Variants in IQCC observed in about 807,000 individuals in gnomAD.
IQCC encodes the protein IQ domain-containing protein C.
Under a neutral mutation model 27.0 loss-of-function variants are expected in IQCC, and 23 were observed. The ratio of observed to expected loss-of-function variants is 0.85; its 90% confidence interval spans 0.61 to 1.21. IQCC has a LOEUF of 1.21. Among genes scored for constraint, IQCC ranks in the 50% most tolerant of loss-of-function variants. The pLI, the probability that IQCC is intolerant of heterozygous loss-of-function variation, is 0.00. For missense variants in IQCC, 552 were observed against 562.3 expected, an observed-to-expected ratio of 0.98 and a Z score of 0.19; for synonymous variants, 220 against 217.2, an observed-to-expected ratio of 1.01 and a Z score of -0.11.
chr1:32,206,689 T>C lies in IQCC; in HGVS notation c.367T>C (p.Trp123Arg), dbSNP rs1334273614. The C allele has an allele frequency of 6.2e-7, 1 of 1,614,036 alleles. No individual in the cohort carries two copies. Among genetic ancestry groups the C allele is most frequent in the Non-Finnish European group, 8.5e-7 (1 of 1,180,006 alleles). ...QGSLCRDHSS[W>R]LQMKQNRKPS... ...AAGCCTCTGCAGAGATCACAGCTCC[T>C]GGCTTCAGATGAAGCAGAACAGGAA... Residue 123 changes from tryptophan to arginine, a missense_variant, in exon 3 of 5, where the codon TGG (tryptophan) becomes CGG (arginine). Trp to Arg is a moderately radical substitution (Grantham distance 101). Coordinates refer to ENST00000291358, the MANE Select transcript of IQCC (RefSeq NM_018134.3).
chr1:32,206,602 G>A lies in IQCC; in HGVS notation c.280G>A (p.Gly94Arg). Residue 94 changes from glycine to arginine, a missense_variant, in exon 3 of 5, where the codon GGA becomes AGA. By Grantham distance (125) the Gly-to-Arg change is moderately radical. Transcript: ENST00000291358. ...CCACTTCCCATGTGAAGAGTCTGAG[G>A]GAGAGGCCACCTGGGAGGAGATGGT... ...WNHFPCEESE[G>R]EATWEEMVLK... The A allele has an allele frequency of 1.2e-6, 2 of 1,614,228 alleles. No individual in the cohort carries two copies. Among genetic ancestry groups the A allele is most frequent in the Middle Eastern group, 1.7e-4 (1 of 6,060 alleles).
chr1:32,206,297 G>A lies in IQCC; in HGVS notation c.186G>A (p.Glu62=), dbSNP rs1235120290. The part of the protein sequence containing the change: ...GRIPRPRFLP[E]KAKSHQTWKA... ...TTCCCAGGCCGCGATTCCTCCCAGA[G>A]GTAGAACACACCTAGGAGAGAAGGG... Residue 62 remains glutamate (E), a splice_region_variant and synonymous_variant, in exon 2 of 5, where the codon GAG becomes GAA. Coordinates refer to ENST00000291358, the MANE Select transcript of IQCC (RefSeq NM_018134.3). 3 of 1,614,000 alleles carry A rather than the reference G, an allele frequency of 1.9e-6. No homozygotes were observed. The highest frequency in any genetic ancestry group is 1.3e-5 in the African/African-American group (1 of 74,918).
Position 32,207,742 on chromosome 1 carries a change from T to C in IQCC, c.1061T>C (p.Met354Thr). The stretch of plus-strand genomic sequence containing the variant: ...TATGAGGACTCAAATATTAAGGAGA[T>C]GTCTCCCAGAAAACTAGACCACAAA... ...ALYEDSNIKE[M>T]SPRKLDHKEP... Residue 354 changes from methionine to threonine, a missense_variant, in exon 5 of 5, where the codon ATG becomes ACG. Physicochemically the swap from Met to Thr is moderately conservative, Grantham distance 81. Transcript: ENST00000291358. The C allele has an allele frequency of 6.2e-7, 1 of 1,613,894 alleles. No homozygotes were observed. The highest frequency in any genetic ancestry group is 8.5e-7 in the Non-Finnish European group (1 of 1,180,006).
chr1:32,206,217 A>G lies in IQCC; in HGVS notation c.106A>G (p.Ile36Val). Residue 36 changes from isoleucine to valine, a missense_variant, in exon 2 of 5, where the codon ATT becomes GTT. By Grantham distance (29) the Ile-to-Val change is conservative. Coordinates refer to ENST00000291358, the MANE Select transcript of IQCC (RefSeq NM_018134.3). ...FQSLRAEYEA[I>V]VREVEGDLGT... Reference sequence around the variant, plus strand: ...GAGCCTGCGAGCTGAGTATGAGGCGATTGTACGAGAGGTCGAGGGCGACCT... The same window carrying G: ...GAGCCTGCGAGCTGAGTATGAGGCGGTTGTACGAGAGGTCGAGGGCGACCT... 1 of 1,613,976 alleles carries G rather than the reference A, an allele frequency of 6.2e-7. No individual in the cohort carries two copies. The highest frequency in any genetic ancestry group is 8.5e-7 in the Non-Finnish European group (1 of 1,179,912).
rs1557524835 is a variant in IQCC at position 32,207,651 on chromosome 1, A to C, written c.970A>C (p.Thr324Pro). The C allele has an allele frequency of 6.2e-7, 1 of 1,613,824 alleles. No homozygotes were observed. Among genetic ancestry groups the C allele is most frequent in the South Asian group, 1.1e-5 (1 of 91,062 alleles). ...LLQMKILEDQ[T>P]PRGLKPRNHC... ...GCAGATGAAAATCCTGGAGGACCAG[A>C]CCCCCAGAGGTTTAAAACCTAGGAA... The change falls in exon 5 of 5, where the codon ACC (threonine) becomes CCC (proline). Residue 324 changes from threonine (T) to proline (P), a missense_variant. Physicochemically the swap from Thr to Pro is conservative, Grantham distance 38. Transcript: ENST00000291358.
At position 32,207,654 on chromosome 1, in the gene IQCC, C is replaced by A; in HGVS notation, c.973C>A (p.Pro325Thr). 6.2e-7 allele frequency: 1 copy of A among 1,614,010 alleles called. No individual in the cohort carries two copies. Among genetic ancestry groups the A allele is most frequent in the African/African-American group, 1.3e-5 (1 of 75,034 alleles). The change falls in exon 5 of 5, where the codon CCC (proline) becomes ACC (threonine). Residue 325 changes from proline to threonine, a missense_variant. By Grantham distance (38) the Pro-to-Thr change is conservative. Transcript: ENST00000291358. ...GATGAAAATCCTGGAGGACCAGACC[C>A]CCAGAGGTTTAAAACCTAGGAACCA... Reference protein sequence around the residue: ...LQMKILEDQTPRGLKPRNHCP... With the variant: ...LQMKILEDQTTRGLKPRNHCP...
Position 32,208,190 on chromosome 1 carries a change from C to T in IQCC, c.*108C>T. On this transcript the variant is annotated 3_prime_UTR_variant, in exon 5 of 5. Transcript: ENST00000291358. ...TGACCAGCTCTGGCTTCTGCTCCTG[C>T]CCCTGGCCATTGGTGACTAGTGGGG... is the stretch of plus-strand genomic sequence containing the variant. 2 of 1,258,430 alleles carry T rather than the reference C, an allele frequency of 1.6e-6. No individual in the cohort carries two copies. The highest frequency in any genetic ancestry group is 2.2e-6 in the Non-Finnish European group (2 of 926,460). 78.0% of individuals were successfully genotyped at this position (1,258,430 alleles called of 1,614,324 possible).
In IQCC at chr1:32,207,792, A is replaced by C. The variant is rs769391019; in HGVS notation, c.1111A>C (p.Thr371Pro). 3.7e-6 allele frequency: 6 copies of C among 1,613,986 alleles called. No homozygotes were observed. The highest frequency in any genetic ancestry group is 1.6e-4 in the Middle Eastern group (1 of 6,062). The change falls in exon 5 of 5, where the codon ACA becomes CCA. Residue 371 changes from threonine to proline, a missense_variant. Transcript: ENST00000291358. ...AGAGCCTGACTGCCGAACAGTCAGGACACAAGAGTTGGGCCTCTCAGAGGA... is the reference window on the plus strand; with the variant it reads ...AGAGCCTGACTGCCGAACAGTCAGGCCACAAGAGTTGGGCCTCTCAGAGGA... ...HKEPDCRTVR[T>P]QELGLSEDHI...
At position 32,207,997 on chromosome 1, in the gene IQCC, CT is replaced by C; in HGVS notation, c.1317del (p.Glu440ArgfsTer30). 6.2e-7 allele frequency: 1 copy of C among 1,614,172 alleles called. No individual in the cohort carries two copies. The highest frequency in any genetic ancestry group is 8.5e-7 in the Non-Finnish European group (1 of 1,180,002). On this transcript the variant is annotated frameshift_variant, in exon 5 of 5. Transcript: ENST00000291358. LOFTEE classifies it low-confidence loss of function (END_TRUNC). ...QRTIPWRSKS[P>X]EILSSTKAGC... ...ACTATACCATGGAGATCAAAGTCAC[CT>C]GAGATTCTGTCTTCTACAAAGGCAG... is the stretch of plus-strand genomic sequence containing the variant.
At chr1:32,206,974 T>C (rs770495306) in intron 3 of IQCC, 28 bp from the exon 4 acceptor site, 1 of 1,562,792 alleles carries the variant, frequency 6.4e-7, no homozygotes, top group Non-Finnish European at 8.8e-7. Context: ...CTCAAGGTTT[T>C]CTCCTTCCTT....
chr1:32,206,411 C>G, intron 2 of IQCC, 98 bp from the exon 3 acceptor site: 1 of 1,598,962 alleles, frequency 6.3e-7, no homozygotes, highest in Admixed American at 1.7e-5. Context: ...TCCTCACACC[C>G]CACTCCTTAA....
Position 32,207,379 on chromosome 1 carries a change from A to C in IQCC, c.698A>C (p.Tyr233Ser), listed in dbSNP as rs760796095. The change falls in exon 5 of 5, where the codon TAC (tyrosine) becomes TCC (serine). Residue 233 changes from tyrosine to serine, a missense_variant. By Grantham distance (144) the Tyr-to-Ser change is moderately radical. Coordinates refer to ENST00000291358, the MANE Select transcript of IQCC (RefSeq NM_018134.3). ...AGCGCACCACTGGAGGACCAGTCCT[A>C]CAGAGACAGGACCACTGGAGAGCTA... Reference protein sequence around the residue: ...QPSAPLEDQSYRDRTTGELEQ... With the variant: ...QPSAPLEDQSSRDRTTGELEQ... 5 of 1,613,894 alleles carry C rather than the reference A, an allele frequency of 3.1e-6. No individual in the cohort carries two copies. The East Asian group carries it at 1.1e-4, about 36-fold the overall frequency.
At position 32,207,713 on chromosome 1, in the gene IQCC, A is replaced by C. The variant is rs1462774096; in HGVS notation, c.1032A>C (p.Ala344=). The C allele has an allele frequency of 1.9e-6, 3 of 1,613,994 alleles. No homozygotes were observed. The highest frequency in any genetic ancestry group is 1.1e-5 in the South Asian group (1 of 91,084). Residue 344 remains alanine, a synonymous_variant, in exon 5 of 5, where the codon GCA becomes GCC. Transcript: ENST00000291358. ...CPRKSRTQLS[A]LYEDSNIKEM... ...GGAAGTCCAGGACACAGCTGTCTGC[A>C]CTCTATGAGGACTCAAATATTAAGG... is the stretch of plus-strand genomic sequence containing the variant.
At position 32,207,845 on chromosome 1, in the gene IQCC, G is replaced by A. The variant is rs987479317; in HGVS notation, c.1164G>A (p.Gly388=). 2 of 1,614,136 alleles carry A rather than the reference G, an allele frequency of 1.2e-6. No individual in the cohort carries two copies. Among genetic ancestry groups the A allele is most frequent in the Non-Finnish European group, 1.7e-6 (2 of 1,180,024 alleles). The change falls in exon 5 of 5, where the codon GGG becomes GGA. Residue 388 remains glycine, a synonymous_variant. Coordinates refer to ENST00000291358, the MANE Select transcript of IQCC (RefSeq NM_018134.3). ...ACATCATCTGGGATGGTACCTTGGG[G>A]GGGCCAGAGCATAGTGTCCTCGATC... ...EDHIIWDGTL[G]GPEHSVLDLW... is the part of the protein sequence containing the mutation.
chr1:32,205,914 A>G lies in IQCC; in HGVS notation c.42+191A>G, dbSNP rs937143856. 1.3e-6 allele frequency: 2 copies of G among 1,550,110 alleles called. No individual in the cohort carries two copies. The highest frequency in any genetic ancestry group is 1.4e-5 in the African/African-American group (1 of 72,626). On this transcript the variant is annotated intron_variant, in intron 1 of 4. Transcript: ENST00000291358. This position sits in a 1 kb window ranked among gnomAD's most constrained non-coding sequence, Gnocchi z 5.6. ...CGGACTCCCTGCCCTGCGCGTCCCCACTCCCACCACACGCTCGCGCCGGAT... is the reference window on the plus strand; with the variant it reads ...CGGACTCCCTGCCCTGCGCGTCCCCGCTCCCACCACACGCTCGCGCCGGAT...
rs12032332 is a variant in IQCC at position 32,207,331 on chromosome 1, G to A, written c.650G>A (p.Cys217Tyr). Reference sequence around the variant, plus strand: ...TTCCTAGAACATGGGGAACAGGCCTGTGAGAGGGACCAGTCACAACCAAGC... The same window carrying A: ...TTCCTAGAACATGGGGAACAGGCCTATGAGAGGGACCAGTCACAACCAAGC... ...RVFLEHGEQA[C>Y]ERDQSQPSAP... Residue 217 changes from cysteine to tyrosine, a missense_variant, in exon 5 of 5, where the codon TGT (cysteine) becomes TAT (tyrosine). Cys to Tyr is a radical substitution (Grantham distance 194, BLOSUM62 -2). Transcript: ENST00000291358. 107,414 of 1,613,958 alleles carry A rather than the reference G, an allele frequency of 0.067. 5,331 individuals carry two copies. Among genetic ancestry groups the A allele is most frequent in the East Asian group, 0.28 (12,564 of 44,876 alleles).
chr1:32,207,090 G>A lies in IQCC; in HGVS notation c.528G>A (p.Trp176Ter). The A allele has an allele frequency of 6.2e-7, 1 of 1,611,646 alleles. No homozygotes were observed. Among genetic ancestry groups the A allele is most frequent in the Non-Finnish European group, 8.5e-7 (1 of 1,178,854 alleles). Reference protein sequence around the residue: ...HRSHLAMELLWLQQAINSRKE... With the variant: ...HRSHLAMELL ...GCCACTTGGCCATGGAATTGCTGTG[G>A]CTGCAACAGGCCATCAATAGCCGTA... Residue 176 changes from tryptophan to a stop codon, truncating the protein, a stop_gained, in exon 4 of 5, where the codon TGG (tryptophan) becomes TGA (stop). Transcript: ENST00000291358. LOFTEE classifies it low-confidence loss of function (END_TRUNC).
At position 32,207,542 on chromosome 1, in the gene IQCC, A is replaced by G. The variant is rs1643402639; in HGVS notation, c.861A>G (p.Ile287Met). ...GCAAGTCTGGACCACCGTCGTCTAT[A>G]CCATCAAACAGCCAGGCCTTGGGGG... ...CYSKSGPPSS[I>M]PSNSQALGDR... Residue 287 changes from isoleucine to methionine, a missense_variant, in exon 5 of 5, where the codon ATA (isoleucine) becomes ATG (methionine). Physicochemically the swap from Ile to Met is conservative, Grantham distance 10. Transcript: ENST00000291358. 6.2e-7 allele frequency: 1 copy of G among 1,611,760 alleles called. No individual in the cohort carries two copies. Among genetic ancestry groups the G allele is most frequent in the Admixed American group, 1.7e-5 (1 of 59,806 alleles).
At position 32,206,767 on chromosome 1, in the gene IQCC, T is replaced by C; in HGVS notation, c.439+6T>C. On this transcript the variant is annotated splice_donor_region_variant and intron_variant, in intron 3 of 4. Coordinates refer to ENST00000291358, the MANE Select transcript of IQCC (RefSeq NM_018134.3). The stretch of plus-strand genomic sequence containing the variant: ...GACAAGGATGGAGAATCCAGGTACC[T>C]CTCTGCAAAGATCAGGGCAAGCCCC... 3 of 1,613,762 alleles carry C rather than the reference T, an allele frequency of 1.9e-6. No homozygotes were observed. The highest frequency in any genetic ancestry group is 2.5e-6 in the Non-Finnish European group (3 of 1,179,880).
Sources: gnomAD v4.1 joint callset for allele counts on GRCh38, gnomAD v4.1.1 for gene constraint, Gnocchi (gnomAD v3.1) non-coding constraint, MANE v1.5 for transcripts, NCBI Gene and HGNC (gene_info 2026-07-23, HGNC 2026-07-21) for gene names.